CCSER1: variants seen among roughly 807,000 people sequenced by gnomAD.
The protein encoded by CCSER1 is coiled-coil serine rich protein 1.
CCSER1 carries 41 observed loss-of-function variants against 82.0 expected under a neutral mutation model. The observed-to-expected ratio is 0.50, with a 90% CI of 0.39 to 0.65. The LOEUF (loss-of-function observed/expected upper bound fraction) is 0.65, where lower values mean the gene tolerates loss of function less well. CCSER1 is among the 30% of genes least tolerant of loss of function. The probability of loss-of-function intolerance (pLI) is 0.00; values close to 1 mark genes in which losing one functional copy is unlikely to be tolerated. For synonymous variants in CCSER1, 414 were observed against 383.9 expected, an observed-to-expected ratio of 1.08 and a Z score of -0.92; for missense variants, 1,119 against 1,064.2, an observed-to-expected ratio of 1.05 and a Z score of -0.72.
intron 5 of CCSER1, among the ~76,000 whole-genome samples, chr4:90,512,095 A>C (rs1351400936): frequency 6.6e-6 from 1 of 152,108 alleles, no homozygotes; most frequent in Non-Finnish European, 1.5e-5. Flanking sequence ...TTTTCCGTAG[A>C]TATGTGGTCA....
intron 9 of CCSER1, among the ~76,000 whole-genome samples, chr4:91,044,478 T>C (rs1742268190): frequency 6.6e-6 from 1 of 152,154 alleles, no homozygotes; most frequent in Admixed American, 6.6e-5. Flanking sequence ...TTAACTATGA[T>C]TTATCTTGAC....
intron 10 of CCSER1, among the ~76,000 whole-genome samples, chr4:91,135,754 A>G (rs1005504529): frequency 2.6e-5 from 4 of 152,184 alleles, no homozygotes; most frequent in Non-Finnish European, 5.9e-5. Flanking sequence ...TGTTAAACAT[A>G]CATGGCTAAG....
At chr4:91,018,062 A>T (rs575602064) in intron 9 of CCSER1, among the ~76,000 whole-genome samples, 7 of 152,144 alleles carry the variant, frequency 4.6e-5, no homozygotes, top group African/African-American at 1.4e-4. Flanking sequence ...AGTCTCCAGT[A>T]TATTAAACAT....
intron 1 of CCSER1, among the ~76,000 whole-genome samples, chr4:90,195,746 G>A (rs1440360479): frequency 2.0e-5 from 3 of 152,032 alleles, no homozygotes; most frequent in Non-Finnish European, 4.4e-5. Flanking sequence ...TAATTATCAT[G>A]TCAACAAAGA....
In CCSER1 at chr4:91,361,643, A is replaced by T. The variant is rs199647037; in HGVS notation, c.2218-236929A>T. ...GAGAGACTTATTAACAGAGACTGCA[A>T]GTAGAGAATAATCATTATATTAGCA... On this transcript the variant is annotated intron_variant, in intron 10 of 10. Coordinates refer to ENST00000509176, the MANE Select transcript of CCSER1 (RefSeq NM_001145065.2). Among the ~76,000 whole-genome samples, 19 of 151,956 alleles carry T rather than the reference A, an allele frequency of 1.3e-4. No homozygotes were observed. The East Asian group carries it at 3.7e-3, about 29-fold the overall frequency.
chr4:90,858,054 A>G (rs932347659), intron 8 of CCSER1, among the ~76,000 whole-genome samples: 2 of 152,050 alleles, frequency 1.3e-5, no homozygotes, highest in African/African-American at 4.8e-5. Context: ...ACAGATAGCC[A>G]TTTCCCACAT....
chr4:91,073,491 C>G (rs1233967248), intron 9 of CCSER1, among the ~76,000 whole-genome samples: 2 of 152,064 alleles, frequency 1.3e-5, no homozygotes, highest in Non-Finnish European at 2.9e-5. Context: ...CTATGACACT[C>G]CTCGATATTA....
chr4:91,442,429 C>T (rs1359171648), intron 10 of CCSER1, among the ~76,000 whole-genome samples: 1 of 147,440 alleles, frequency 6.8e-6, no homozygotes, highest in Non-Finnish European at 1.5e-5. Context: ...ATGTAGAAAG[C>T]TGAAACTGGA....
chr4:90,654,113 C>T (rs145250286), intron 6 of CCSER1, among the ~76,000 whole-genome samples: 103 of 152,250 alleles, frequency 6.8e-4, no homozygotes, highest in African/African-American at 2.5e-3. Flanking sequence ...CACCACGCCC[C>T]TCCTTCAATT....
intron 10 of CCSER1, among the ~76,000 whole-genome samples, chr4:91,160,788 G>A (rs1731313985): frequency 6.6e-6 from 1 of 152,026 alleles, no homozygotes; most frequent in Admixed American, 6.6e-5. Context: ...GTTCTTTGTA[G>A]ATTCTGGATA....
At chr4:91,177,881 C>A (rs1159859238) in intron 10 of CCSER1, among the ~76,000 whole-genome samples, 1 of 152,138 alleles carries the variant, frequency 6.6e-6, no homozygotes, top group Non-Finnish European at 1.5e-5. Context: ...TCTTGCTTCT[C>A]TAGTTCTTTA....
chr4:90,583,481 A>G (rs78541305), intron 5 of CCSER1, among the ~76,000 whole-genome samples: 3,573 of 152,204 alleles, frequency 0.023, 64 homozygotes, highest in Non-Finnish European at 0.039. Context: ...TGTTTTTTAA[A>G]TTGAGGTATA....
chr4:90,525,004 C>A (rs1773580721), intron 5 of CCSER1, among the ~76,000 whole-genome samples: 1 of 151,884 alleles, frequency 6.6e-6, no homozygotes, highest in African/African-American at 2.4e-5. Flanking sequence ...AACAATCTTA[C>A]AATAAGACCA....
chr4:90,844,825 A>G (rs1019074340), intron 8 of CCSER1, among the ~76,000 whole-genome samples: 5 of 152,196 alleles, frequency 3.3e-5, no homozygotes, highest in South Asian at 4.1e-4. Flanking sequence ...GCTCAACAAC[A>G]TATTTGTAGT....
chr4:90,361,463 T>C (rs1745358810), intron 3 of CCSER1, among the ~76,000 whole-genome samples: 1 of 152,264 alleles, frequency 6.6e-6, no homozygotes, highest in South Asian at 2.1e-4. Flanking sequence ...CAAGAAGGCC[T>C]ATGCCTCAAA....
chr4:90,475,911 A>T (rs1334086444), intron 5 of CCSER1, among the ~76,000 whole-genome samples: 1 of 152,190 alleles, frequency 6.6e-6, no homozygotes, highest in Admixed American at 6.5e-5. Context: ...CCCTGGTAGC[A>T]GGAATGCATT....
At chr4:91,122,409 A>C (rs758083811) in intron 10 of CCSER1, among the ~76,000 whole-genome samples, 4 of 151,722 alleles carry the variant, frequency 2.6e-5, no homozygotes, top group Non-Finnish European at 4.4e-5. Flanking sequence ...ATGTTTCAGC[A>C]ACTTGACATT....
intron 5 of CCSER1, among the ~76,000 whole-genome samples, chr4:90,566,040 T>A (rs1207927890): frequency 6.6e-6 from 1 of 151,612 alleles, no homozygotes; most frequent in Non-Finnish European, 1.5e-5. Context: ...GTATTTTTTT[T>A]TTTTTTTTTA....
At chr4:90,752,873 C>T (rs1748901286) in intron 7 of CCSER1, among the ~76,000 whole-genome samples, 1 of 152,126 alleles carries the variant, frequency 6.6e-6, no homozygotes, top group Non-Finnish European at 1.5e-5. Context: ...TGATTCTCAT[C>T]CCATAATACC....
Sources: allele counts gnomAD v4.1 joint callset (sites outside exome capture counted in the v4.1 genomes callset), GRCh38; gene constraint gnomAD v4.1.1; transcripts MANE v1.5; gene names NCBI Gene and HGNC (gene_info 2026-07-23, HGNC 2026-07-21).